EIF4ENIF1: variants seen among roughly 807,000 people sequenced by gnomAD.
EIF4ENIF1 encodes eukaryotic translation initiation factor 4E nuclear import factor 1.
EIF4ENIF1 carries 23 observed loss-of-function variants against 110.5 expected under a neutral mutation model. That is an observed-to-expected ratio of 0.21 (90% CI 0.15 to 0.29). The LOEUF (loss-of-function observed/expected upper bound fraction) is 0.29. EIF4ENIF1 is among the 10% of genes least tolerant of loss of function. The pLI is 1.00. For synonymous variants in EIF4ENIF1, 440 were observed against 437.0 expected, an observed-to-expected ratio of 1.01 and a Z score of -0.09; for missense variants, 1,031 against 1,221.1, an observed-to-expected ratio of 0.84 and a Z score of 2.32.
chr22:31,448,515 C>T (rs941749733), intron 12 of EIF4ENIF1, among the ~76,000 whole-genome samples: 6 of 152,154 alleles, frequency 3.9e-5, no homozygotes, highest in East Asian at 1.9e-4. Flanking sequence ...CAGTTTGTCC[C>T]GTTATCACTA....
chr22:31,488,918 C>G, intron 1 of EIF4ENIF1, 173 bp from the exon 2 acceptor site: 2 of 702,054 alleles, frequency 2.8e-6, no homozygotes, highest in Non-Finnish European at 4.6e-6. Context: ...ATCATTGGTA[C>G]TCAGTTCTCT....
intron 14 of EIF4ENIF1, chr22:31,447,005 G>C (rs1163181943): frequency 6.4e-6 from 3 of 468,768 alleles, no homozygotes; most frequent in African/African-American, 4.0e-5. Context: ...TAAGAACATT[G>C]AATCTGTGGG....
At chr22:31,448,860 CT>C (rs200178497) in intron 12 of EIF4ENIF1, among the ~76,000 whole-genome samples, 1,621 of 152,140 alleles carry the variant, frequency 0.011, 9 homozygotes, top group Middle Eastern at 0.027. Flanking sequence ...GCCAAATTAA[CT>C]TTTTTTGGAT....
At chr22:31,490,892 T>G (rs1438822580), upstream of EIF4ENIF1, among the ~76,000 whole-genome samples, 2 of 152,246 alleles carry the variant, frequency 1.3e-5, no homozygotes, top group East Asian at 3.8e-4. Context: ...CCTACTTTGT[T>G]GGAACTTCAC....
intron 8 of EIF4ENIF1, among the ~76,000 whole-genome samples, 158 bp from the exon 9 acceptor site, chr22:31,455,473 A>G (rs954487049): frequency 1.4e-5 from 2 of 146,264 alleles, no homozygotes; most frequent in African/African-American, 5.1e-5. Flanking sequence ...ATCTCGGCTC[A>G]CTGCAACCTC....
chr22:31,464,523 CA>C (rs1163366161), intron 4 of EIF4ENIF1, among the ~76,000 whole-genome samples: 2 of 150,362 alleles, frequency 1.3e-5, no homozygotes, highest in Non-Finnish European at 3.0e-5. Flanking sequence ...ACTAAAACTA[CA>C]AAAATTAGCC....
chr22:31,486,237 T>C (rs2052018911), intron 2 of EIF4ENIF1, among the ~76,000 whole-genome samples: 1 of 150,826 alleles, frequency 6.6e-6, no homozygotes, highest in Non-Finnish European at 1.5e-5. Context: ...ATCATTGCAC[T>C]CCAGCCTCGG....
chr22:31,465,792 G>T (rs992548757), intron 4 of EIF4ENIF1, among the ~76,000 whole-genome samples: 2 of 152,100 alleles, frequency 1.3e-5, no homozygotes, highest in Non-Finnish European at 2.9e-5. Flanking sequence ...ACAGATAAAC[G>T]GATCAACTGC....
At chr22:31,488,899 G>A (rs1885178464) in intron 1 of EIF4ENIF1, 154 bp from the exon 2 acceptor site, 2 of 810,520 alleles carry the variant, frequency 2.5e-6, no homozygotes, top group Non-Finnish European at 3.8e-6. Flanking sequence ...ATTAGAACTT[G>A]GAGATAGAAT....
chr22:31,489,461 C>A, intron 1 of EIF4ENIF1: 1 of 151,536 alleles, frequency 6.6e-6, no homozygotes, highest in Non-Finnish European at 1.5e-5. Flanking sequence ...CTGGAGCTAG[C>A]GCAGGCCCGC....
chr22:31,468,670 C>T (rs2051270005), intron 3 of EIF4ENIF1, among the ~76,000 whole-genome samples: 1 of 152,168 alleles, frequency 6.6e-6, no homozygotes, highest in African/African-American at 2.4e-5. Flanking sequence ...GCTGGGATTA[C>T]AGATGTGAGC....
chr22:31,441,948 G>T lies in EIF4ENIF1; in HGVS notation c.2377C>A (p.Pro793Thr). 6.2e-7 allele frequency: 1 copy of T among 1,614,200 alleles called. No homozygotes were observed. Among genetic ancestry groups the T allele is most frequent in the Non-Finnish European group, 8.5e-7 (1 of 1,180,042 alleles). The change falls in exon 17 of 19, where the codon CCC becomes ACC. Residue 793 changes from proline to threonine, a missense_variant. Pro to Thr is a conservative substitution (Grantham distance 38). Transcript: ENST00000330125. Reference sequence around the variant, plus strand: ...GTAGGAACTGGGGATGCCAAGGTGGGTGTTTTTCTCCCAGTTGCTTTAGGT... The same window carrying T: ...GTAGGAACTGGGGATGCCAAGGTGGTTGTTTTTCTCCCAGTTGCTTTAGGT... Reference protein sequence around the residue: ...YRPKATGRKTPTLASPVPTTP... With the variant: ...YRPKATGRKTTTLASPVPTTP...
In EIF4ENIF1 at chr22:31,440,018, C is replaced by G; in HGVS notation, c.2820G>C (p.Gln940His). Residue 940 changes from glutamine to histidine, a missense_variant, in exon 19 of 19, where the codon CAG (glutamine) becomes CAC (histidine). Coordinates refer to ENST00000330125, the MANE Select transcript of EIF4ENIF1 (RefSeq NM_019843.4). ...SRSGLPHMHS[Q>H]LEHRPSQRSS... ...TCCTCTGGCTGGGGCGATGCTCCAG[C>G]TGGGAGTGCATGTGGGGCAGGCCTG... is the stretch of plus-strand genomic sequence containing the variant. 1 of 1,613,864 alleles carries G rather than the reference C, an allele frequency of 6.2e-7. No individual in the cohort carries two copies. Among genetic ancestry groups the G allele is most frequent in the East Asian group, 2.2e-5 (1 of 44,882 alleles).
rs370898660 is a variant in EIF4ENIF1, at chr22:31,455,359, A to G, written c.1100-44T>C. On this transcript the variant is annotated intron_variant, in intron 8 of 18. Transcript: ENST00000330125. ...ATACTCAAAATTAATCTGTTCCAGTAAAGAAACATGCCTTCGACAGTATTT... is the reference window on the plus strand; with the variant it reads ...ATACTCAAAATTAATCTGTTCCAGTGAAGAAACATGCCTTCGACAGTATTT... 881 of 1,396,570 alleles carry G rather than the reference A, an allele frequency of 6.3e-4. 5 individuals are homozygous for G. In the Middle Eastern group the frequency reaches 8.9e-3, roughly 14 times the overall value. The allele number at this position is 1,396,570 out of a possible 1,614,324, so 86.5% of individuals were successfully genotyped here.
intron 2 of EIF4ENIF1, 94 bp downstream of exon 2, chr22:31,488,529 T>G (rs2052130450): frequency 1.5e-5 from 23 of 1,537,784 alleles, no homozygotes; most frequent in East Asian, 4.6e-5. Flanking sequence ...TGAGTCAGAA[T>G]GAGATTACCA....
At chr22:31,441,726 C>T (rs771647378) in intron 17 of EIF4ENIF1, 48 bp downstream of exon 17, 11 of 1,483,566 alleles carry the variant, frequency 7.4e-6, no homozygotes, top group Non-Finnish European at 1.0e-5. Flanking sequence ...CAACAATTGT[C>T]CCCTAGGCCC....
At chr22:31,468,325 G>A in intron 3 of EIF4ENIF1, 23 bp from the exon 4 acceptor site, 1 of 1,613,974 alleles carries the variant, frequency 6.2e-7, no homozygotes, top group Non-Finnish European at 8.5e-7. Context: ...AAATACAACT[G>A]TTAGCACTTA....
At chr22:31,488,871 C>A in intron 1 of EIF4ENIF1, 126 bp from the exon 2 acceptor site, 3 of 1,064,126 alleles carry the variant, frequency 2.8e-6, no homozygotes, top group Non-Finnish European at 3.9e-6. Context: ...AAGTCCCCAC[C>A]CCAAAATTAT....
Position 31,447,528 on chromosome 22 carries a change from C to T in EIF4ENIF1, c.1886G>A (p.Gly629Glu). ...AGCAAGGTCATGTGGCAAGGCCAGC[C>T]CTTCTAAAGCTGCCTGTTGCAACTC... ...QLELQQAALE[G>E]LALPHDLAVQ... The change falls in exon 14 of 19, where the codon GGG becomes GAG. Residue 629 changes from glycine (G) to glutamate (E), a missense_variant. Physicochemically the swap from Gly to Glu is moderately conservative, Grantham distance 98. This residue lies in a region of EIF4ENIF1 where 704 missense variants were observed against 879.7 expected (regional missense o/e 0.80). Coordinates refer to ENST00000330125, the MANE Select transcript of EIF4ENIF1 (RefSeq NM_019843.4). 2 of 1,609,302 alleles carry T rather than the reference C, an allele frequency of 1.2e-6. No individual in the cohort carries two copies. The highest frequency in any genetic ancestry group is 1.7e-6 in the Non-Finnish European group (2 of 1,177,212).
Sources: gnomAD v4.1 joint callset for allele counts (sites outside exome capture counted in the v4.1 genomes callset) on GRCh38, gnomAD v4.1.1 for gene constraint, gnomAD v4.1.1 regional missense constraint, MANE v1.5 for transcripts, NCBI Gene and HGNC (gene_info 2026-07-23, HGNC 2026-07-21) for gene names.